MECOM: variants seen among roughly 807,000 people sequenced by gnomAD.
The protein encoded by MECOM is MDS1 and EVI1 complex locus.
MECOM carries 13 observed loss-of-function variants against 116.3 expected under a neutral mutation model. The ratio of observed to expected loss-of-function variants is 0.11; its 90% CI spans 0.07 to 0.18. The LOEUF is 0.18. MECOM is among the 10% of genes least tolerant of loss of function. The probability of loss-of-function intolerance (pLI) is 1.00; values close to 1 mark genes in which losing one functional copy is unlikely to be tolerated. For missense variants in MECOM, 1,299 were observed against 1,509.0 expected (o/e 0.86, Z 2.31); for synonymous variants, 528 against 535.2 (o/e 0.99, Z 0.19).
At chr3:169,135,498 A>G (rs936172376) in intron 3 of MECOM, among the ~76,000 whole-genome samples, 1 of 151,978 alleles carries the variant, frequency 6.6e-6, no homozygotes, top group Non-Finnish European at 1.5e-5. Context: ...TGGGGCCTAT[A>G]AGAAAATAGA....
intron 10 of MECOM, 133 bp downstream of exon 10, chr3:169,107,793 C>G (rs1161593715): frequency 1.6e-6 from 1 of 639,708 alleles, no homozygotes; most frequent in African/African-American, 1.9e-5. Flanking sequence ...AGCAGGGAAA[C>G]TATCTGCTGG....
chr3:169,606,132 C>T (rs549800995), intron 1 of MECOM, among the ~76,000 whole-genome samples: 2 of 152,244 alleles, frequency 1.3e-5, no homozygotes, highest in South Asian at 2.1e-4. Context: ...TTAAAAGAGG[C>T]CAGGTGCGGT....
chr3:169,570,772 T>G (rs986893025), intron 1 of MECOM, among the ~76,000 whole-genome samples: 1 of 152,180 alleles, frequency 6.6e-6, no homozygotes, highest in African/African-American at 2.4e-5. Flanking sequence ...ATAAAAGGCC[T>G]TTGATAAAAT....
intron 2 of MECOM, among the ~76,000 whole-genome samples, chr3:169,380,286 C>T (rs767366279): frequency 2.0e-5 from 3 of 152,040 alleles, no homozygotes; most frequent in Admixed American, 6.6e-5. Flanking sequence ...ATATCTTACC[C>T]CTGCAGAAAC....
chr3:169,494,176 CAG>C (rs1005254936), intron 1 of MECOM, among the ~76,000 whole-genome samples: 8 of 152,054 alleles, frequency 5.3e-5, no homozygotes, highest in South Asian at 2.1e-4. Context: ...TATTTTAAAA[CAG>C]GGGACAATCT....
intron 1 of MECOM, among the ~76,000 whole-genome samples, chr3:169,626,471 T>C (rs1313831616): frequency 6.6e-6 from 1 of 152,162 alleles, no homozygotes; most frequent in African/African-American, 2.4e-5. Flanking sequence ...AAATGTCACA[T>C]CTGTAACTAT....
At chr3:169,143,946 A>G in intron 2 of MECOM, 114 bp from the exon 3 acceptor site, 2 of 1,242,256 alleles carry the variant, frequency 1.6e-6, no homozygotes, top group Non-Finnish European at 2.1e-6. Flanking sequence ...ATCCTTAAAA[A>G]AAGTCAGATC....
intron 1 of MECOM, among the ~76,000 whole-genome samples, chr3:169,485,032 T>G (rs746804195): frequency 2.0e-5 from 3 of 152,172 alleles, no homozygotes; most frequent in Non-Finnish European, 2.9e-5. Flanking sequence ...TTTCACTCTT[T>G]CACCCAAGCT....
In MECOM at chr3:169,322,997, TAAAAAAA is replaced by T. The variant is rs748984561; in HGVS notation, c.375+58183_375+58189del. On this transcript the variant is annotated intron_variant, in intron 2 of 16. Transcript: ENST00000651503. ...CCTGCATGACAGAGCAAGACTCCGG[TAAAAAAA>T]AAAAAAAAAAAAAAAAAAAAAAGCA... 2.0e-3 allele frequency among the ~76,000 whole-genome samples: 113 copies of T among 56,046 alleles called. 1 individual carries two copies. Among genetic ancestry groups the T allele is most frequent in the African/African-American group, 7.3e-3 (104 of 14,258 alleles). 36.8% of individuals were successfully genotyped at this position (56,046 alleles called of 152,430 possible). A position where few individuals can be genotyped will look rare whatever the true frequency, so the allele number is the denominator to read the frequency against.
At chr3:169,124,178 G>A (rs566757188) in intron 5 of MECOM, among the ~76,000 whole-genome samples, 1 of 152,160 alleles carries the variant, frequency 6.6e-6, no homozygotes, top group South Asian at 2.1e-4. Flanking sequence ...AATCTTCTTG[G>A]TGAAACACTG....
rs921393806 is a variant in MECOM, at chr3:169,322,386, G to A, written c.375+58801C>T. On this transcript the variant is annotated intron_variant, in intron 2 of 16. Coordinates refer to ENST00000651503, the MANE Select transcript of MECOM (RefSeq NM_004991.4). Reference sequence around the variant, plus strand: ...TATTCATTCACAAAGAGGCTCTAGGGCTTTGTCTTTTGTATACCGCTTTAT... The same window carrying A: ...TATTCATTCACAAAGAGGCTCTAGGACTTTGTCTTTTGTATACCGCTTTAT... Among the ~76,000 whole-genome samples, 26 of 152,200 alleles carry A rather than the reference G, an allele frequency of 1.7e-4. No individual in the cohort carries two copies. The Middle Eastern group carries it at 0.01, about 60-fold the overall frequency.
At chr3:169,487,984 A>C (rs1232438680) in intron 1 of MECOM, among the ~76,000 whole-genome samples, 7 of 152,178 alleles carry the variant, frequency 4.6e-5, no homozygotes, top group Admixed American at 1.3e-4. Flanking sequence ...TGGAATTTAT[A>C]GGCATAAATA....
In MECOM at chr3:169,256,850, C is replaced by A. The variant is rs545530626; in HGVS notation, c.376-113018G>T. Among the ~76,000 whole-genome samples, 79 of 152,312 alleles carry A rather than the reference C, an allele frequency of 5.2e-4. No individual in the cohort carries two copies. The South Asian group carries it at 0.016, about 30-fold the overall frequency. On this transcript the variant is annotated intron_variant, in intron 2 of 16. Transcript: ENST00000651503. Reference sequence around the variant, plus strand: ...CAGATGTGGAAACTGAGGCCAACAGCTGTAATTTCCCAGGGTCCCAGTCAT... The same window carrying A: ...CAGATGTGGAAACTGAGGCCAACAGATGTAATTTCCCAGGGTCCCAGTCAT...
At chr3:169,650,728 G>T (rs1774791097) in intron 1 of MECOM, among the ~76,000 whole-genome samples, 1 of 151,864 alleles carries the variant, frequency 6.6e-6, no homozygotes, top group South Asian at 2.1e-4. Flanking sequence ...TGTCTCAGAG[G>T]CCAGCACACT....
At chr3:169,166,265 CAAT>C (rs1577229028) in intron 2 of MECOM, among the ~76,000 whole-genome samples, 2 of 152,168 alleles carry the variant, frequency 1.3e-5, no homozygotes, top group East Asian at 3.9e-4. Context: ...TACACTGGAA[CAAT>C]AATAATAACA....
At position 169,386,970 on chromosome 3, in the gene MECOM, T is replaced by C. The variant is rs967796438; in HGVS notation, c.38-5446A>G. Among the ~76,000 whole-genome samples the C allele has an allele frequency of 4.6e-5, 7 of 152,242 alleles. No homozygotes were observed. The East Asian group carries it at 5.8e-4, about 13-fold the overall frequency. On this transcript the variant is annotated intron_variant, in intron 1 of 16. Coordinates refer to ENST00000651503, the MANE Select transcript of MECOM (RefSeq NM_004991.4). ...TTATTTGCAAATTGTTCATTGTTTT[T>C]GCCCACTTTTAATTAGGCTTTCATG...
intron 1 of MECOM, among the ~76,000 whole-genome samples, chr3:169,659,719 G>A (rs1020437795): frequency 6.6e-6 from 1 of 152,020 alleles, no homozygotes; most frequent in African/African-American, 2.4e-5. Flanking sequence ...ACCCAAGTAG[G>A]TGGGCATACA....
intron 9 of MECOM, among the ~76,000 whole-genome samples, chr3:169,110,014 G>A (rs12638698): frequency 0.25 from 38,354 of 152,000 alleles, 5,067 homozygotes; most frequent in Non-Finnish European, 0.28. Flanking sequence ...AAATAGGGCA[G>A]ATATTATTCC....
intron 2 of MECOM, among the ~76,000 whole-genome samples, chr3:169,325,681 T>G (rs1352334280): frequency 6.6e-6 from 1 of 152,216 alleles, no homozygotes; most frequent in African/African-American, 2.4e-5. Context: ...GGCCTTTATT[T>G]CCTTTCTAGA....
Sources: allele counts gnomAD v4.1 joint callset (sites outside exome capture counted in the v4.1 genomes callset), GRCh38; gene constraint gnomAD v4.1.1; transcripts MANE v1.5; gene names NCBI Gene and HGNC (gene_info 2026-07-23, HGNC 2026-07-21).